The following DENND6A variants were observed in gnomAD, a reference collection of about 807,000 sequenced individuals.
DENND6A encodes protein DENND6A.
A neutral mutation model predicts 95.5 loss-of-function variants in DENND6A; 43 were observed. The observed-to-expected ratio is 0.45, with a 90% CI of 0.35 to 0.58. DENND6A has a LOEUF of 0.58. Among genes scored for constraint, DENND6A ranks in the 20% least tolerant of loss-of-function variants. The probability of loss-of-function intolerance (pLI) is 0.00; values close to 1 mark genes in which losing one functional copy is unlikely to be tolerated. For synonymous variants in DENND6A, 257 were observed against 260.4 expected (o/e 0.99, Z 0.13); for missense variants, 574 against 736.0 (o/e 0.78, Z 2.55).
intron 9 of DENND6A, among the ~76,000 whole-genome samples, chr3:57,647,991 G>T (rs551538060): frequency 6.6e-6 from 1 of 152,026 alleles, no homozygotes; most frequent in East Asian, 1.9e-4. Flanking sequence ...GGGGGACAAA[G>T]TTGCAGCAGA....
At chr3:57,671,123 G>A (rs560131069) in intron 3 of DENND6A, among the ~76,000 whole-genome samples, 1 of 151,992 alleles carries the variant, frequency 6.6e-6, no homozygotes, top group African/African-American at 2.4e-5. Context: ...CAAATGGATA[G>A]GAAAAAAATT....
At chr3:57,679,066 C>T (rs990425589) in intron 1 of DENND6A, among the ~76,000 whole-genome samples, 4 of 152,180 alleles carry the variant, frequency 2.6e-5, no homozygotes, top group Non-Finnish European at 4.4e-5. Flanking sequence ...ATGGTGCTAC[C>T]GCACTCCACC....
chr3:57,630,584 C>T, intron 17 of DENND6A, 61 bp from the exon 18 acceptor site: 2 of 1,532,256 alleles, frequency 1.3e-6, no homozygotes, highest in Non-Finnish European at 1.8e-6. Context: ...TTCCTCAATA[C>T]CTTTCCTAGT....
chr3:57,639,257 C>CA (rs2070871523), intron 12 of DENND6A, among the ~76,000 whole-genome samples: 1 of 152,168 alleles, frequency 6.6e-6, no homozygotes, highest in South Asian at 2.1e-4. Context: ...ATGAAAATGA[C>CA]AACATCAAAT....
At position 57,627,396 on chromosome 3, in the gene DENND6A, G is replaced by C. The variant is rs926614548; in HGVS notation, c.*818C>G. The C allele has an allele frequency of 6.6e-6, 1 of 151,990 alleles. No homozygotes were observed. Among genetic ancestry groups the C allele is most frequent in the East Asian group, 1.9e-4 (1 of 5,184 alleles). The allele number at this position is 151,990 out of a possible 1,614,324, so 9.4% of individuals were successfully genotyped here. ...CGACCTTAAGTGACCTGTCCACCTTGGCCTCCCAAAGTGCTAGGATTACAG... is the reference window on the plus strand; with the variant it reads ...CGACCTTAAGTGACCTGTCCACCTTCGCCTCCCAAAGTGCTAGGATTACAG... On this transcript the variant is annotated 3_prime_UTR_variant, in exon 20 of 20. Transcript: ENST00000311128.
chr3:57,629,187 C>T (rs74730812), intron 18 of DENND6A, among the ~76,000 whole-genome samples: 251 of 152,294 alleles, frequency 1.6e-3, no homozygotes, highest in African/African-American at 5.7e-3. Context: ...CAGTAACCCC[C>T]ACTTCCACTA....
At chr3:57,649,392 T>G (rs1453826433) in intron 9 of DENND6A, among the ~76,000 whole-genome samples, 1 of 152,040 alleles carries the variant, frequency 6.6e-6, no homozygotes, top group Non-Finnish European at 1.5e-5. Context: ...GGGAATACTT[T>G]TACACTGTTG....
chr3:57,672,360 A>T, intron 2 of DENND6A, 40 bp downstream of exon 2: 1 of 1,610,898 alleles, frequency 6.2e-7, no homozygotes, highest in Non-Finnish European at 8.5e-7. Context: ...AACAAACAGA[A>T]ATATAACAGT....
At chr3:57,630,886 A>G (rs879075630) in intron 16 of DENND6A, 39 bp downstream of exon 16, 3 of 1,610,766 alleles carry the variant, frequency 1.9e-6, no homozygotes, top group South Asian at 2.2e-5. Flanking sequence ...GAAGTTAATT[A>G]CAGTTAGAGG....
chr3:57,632,842 T>C (rs1450841663), intron 15 of DENND6A, among the ~76,000 whole-genome samples: 1 of 152,228 alleles, frequency 6.6e-6, no homozygotes, highest in Non-Finnish European at 1.5e-5. Flanking sequence ...ATATAGTCCC[T>C]GTTATCATAG....
chr3:57,630,193 T>C (rs1197809770), intron 18 of DENND6A, among the ~76,000 whole-genome samples: 5 of 152,172 alleles, frequency 3.3e-5, no homozygotes, highest in Admixed American at 1.3e-4. Flanking sequence ...AAGTTTCCCA[T>C]GATGCAGTTC....
At chr3:57,656,940 AGAGT>A (rs1038031897) in intron 9 of DENND6A, among the ~76,000 whole-genome samples, 1 of 152,210 alleles carries the variant, frequency 6.6e-6, no homozygotes, top group Non-Finnish European at 1.5e-5. Flanking sequence ...CCTAGGCAAT[AGAGT>A]GAGACTCTGT....
chr3:57,664,690 G>A (rs2071498502), intron 4 of DENND6A, among the ~76,000 whole-genome samples: 1 of 152,062 alleles, frequency 6.6e-6, no homozygotes, highest in Admixed American at 6.6e-5. Flanking sequence ...AAAATTAGCT[G>A]GGTGTGGTGG....
At chr3:57,636,794 G>A (rs1259899795) in intron 12 of DENND6A, among the ~76,000 whole-genome samples, 2 of 152,100 alleles carry the variant, frequency 1.3e-5, no homozygotes, top group East Asian at 1.9e-4. Context: ...AAAATTAGCT[G>A]GGCATGGTGG....
intron 7 of DENND6A, among the ~76,000 whole-genome samples, chr3:57,659,637 C>A (rs1220797093): frequency 6.6e-6 from 1 of 152,078 alleles, no homozygotes; most frequent in East Asian, 1.9e-4. Context: ...CAAAAATGGC[C>A]AAATGCAGAG....
chr3:57,680,900 T>C (rs1388540985), intron 1 of DENND6A, among the ~76,000 whole-genome samples: 1 of 152,006 alleles, frequency 6.6e-6, no homozygotes, highest in African/African-American at 2.4e-5. Flanking sequence ...GGAGAGACAA[T>C]AACAAGAGTT....
intron 9 of DENND6A, among the ~76,000 whole-genome samples, chr3:57,646,945 C>T (rs192003757): frequency 6.6e-6 from 1 of 152,310 alleles, no homozygotes; most frequent in East Asian, 1.9e-4. Flanking sequence ...GATACTCCCT[C>T]TACAGAAGTG....
At chr3:57,672,793 A>C (rs1249323972) in intron 1 of DENND6A, among the ~76,000 whole-genome samples, 1 of 151,872 alleles carries the variant, frequency 6.6e-6, no homozygotes, top group Non-Finnish European at 1.5e-5. Context: ...AAATCAAACA[A>C]ACAAACAAAA....
intron 1 of DENND6A, among the ~76,000 whole-genome samples, chr3:57,673,034 A>G (rs1484162391): frequency 1.3e-5 from 2 of 151,112 alleles, no homozygotes; most frequent in East Asian, 3.9e-4. Context: ...GGTCAACATG[A>G]TGAAACCCCA....
Sources: allele counts gnomAD v4.1 joint callset (sites outside exome capture counted in the v4.1 genomes callset), GRCh38; gene constraint gnomAD v4.1.1; transcripts MANE v1.5; gene names NCBI Gene and HGNC (gene_info 2026-07-23, HGNC 2026-07-21).